Variants in NDEL1 observed in about 807,000 individuals in gnomAD.
The protein encoded by NDEL1 is nudE neurodevelopment protein 1 like 1.
In NDEL1, 9 loss-of-function variants were observed where a neutral mutation model predicts 45.7. That is an observed-to-expected ratio of 0.20 (90% CI 0.12 to 0.34). The LOEUF (loss-of-function observed/expected upper bound fraction) is 0.34, where lower values mean the gene tolerates loss of function less well. NDEL1 is among the 10% of genes least tolerant of loss of function. The pLI, the probability that NDEL1 is intolerant of heterozygous loss-of-function variation, is 1.00. For missense variants in NDEL1, 306 were observed against 406.2 expected (o/e 0.75, Z 2.12); for synonymous variants, 133 against 158.6 (o/e 0.84, Z 1.21).
At chr17:8,449,126 G>C (rs542252766) in intron 5 of NDEL1, among the ~76,000 whole-genome samples, 31 of 152,258 alleles carry the variant, frequency 2.0e-4, no homozygotes, top group African/African-American at 7.2e-4. Flanking sequence ...GGGATTACAG[G>C]CGCCCGCCAC....
intron 7 of NDEL1, among the ~76,000 whole-genome samples, chr17:8,459,716 G>A (rs984032215): frequency 2.6e-5 from 4 of 152,166 alleles, no homozygotes; most frequent in African/African-American, 9.7e-5. Flanking sequence ...AAGAGACCTG[G>A]GATCTGCTGT....
At position 8,446,738 on chromosome 17, in the gene NDEL1, A is replaced by G. The variant is rs750961114; in HGVS notation, c.241-16A>G. 4.3e-6 allele frequency: 7 copies of G among 1,613,974 alleles called. No homozygotes were observed. The highest frequency in any genetic ancestry group is 1.1e-5 in the South Asian group (1 of 91,078). On this transcript the variant is annotated splice_polypyrimidine_tract_variant and intron_variant, in intron 3 of 8. Transcript: ENST00000334527. ...GTATATTAATGACATGTACTTTCCT[A>G]TACTGATGCCCTCAGGAGAAGCTAG...
At chr17:8,469,976 G>A (rs1911796889), downstream of NDEL1, among the ~76,000 whole-genome samples, 1 of 150,518 alleles carries the variant, frequency 6.6e-6, no homozygotes, top group Non-Finnish European at 1.5e-5. Flanking sequence ...CCAAAGTTCT[G>A]GGATTACAGG....
In NDEL1 at chr17:8,466,453, C is replaced by CT. The variant is rs200080171; in HGVS notation, c.945-469dup. The CT allele has an allele frequency of 9.3e-3, 1,450 of 155,788 alleles. 10 individuals carry two copies. The highest frequency in any genetic ancestry group is 0.015 in the Non-Finnish European group (1,069 of 70,592). 9.7% of individuals were successfully genotyped at this position (155,788 alleles called of 1,614,324 possible). On this transcript the variant is annotated intron_variant, in intron 8 of 8. Transcript: ENST00000334527. ...TAGAATCTAGAATATATACTATTTG[C>CT]TTTTTTTTCTTTCATATCATTGAAT...
At chr17:8,468,657 A>C (rs577242941), downstream of NDEL1, among the ~76,000 whole-genome samples, 3 of 152,266 alleles carry the variant, frequency 2.0e-5, no homozygotes, top group Admixed American at 6.5e-5. Flanking sequence ...GGTCTGTGTG[A>C]ATGCATCAGA....
chr17:8,462,157 C>T (rs549235152), intron 8 of NDEL1, among the ~76,000 whole-genome samples: 41 of 151,942 alleles, frequency 2.7e-4, no homozygotes, highest in Middle Eastern at 3.4e-3. Context: ...GCTTTACTTC[C>T]TGAGCTGAAC....
In NDEL1 at chr17:8,467,153, T is replaced by G; in HGVS notation, c.*130T>G. 1 of 862,408 alleles carries G rather than the reference T, an allele frequency of 1.2e-6. No individual in the cohort carries two copies. The highest frequency in any genetic ancestry group is 1.8e-6 in the Non-Finnish European group (1 of 545,510). 53.4% of individuals were successfully genotyped at this position (862,408 alleles called of 1,614,324 possible). A position where few individuals can be genotyped will look rare whatever the true frequency, so the allele number is the denominator to read the frequency against. On this transcript the variant is annotated 3_prime_UTR_variant, in exon 9 of 9. Coordinates refer to ENST00000334527, the MANE Select transcript of NDEL1 (RefSeq NM_030808.5). The surrounding 1 kb of genome is among the most constrained non-coding windows in gnomAD (Gnocchi z 6.3). Reference sequence around the variant, plus strand: ...TCCGCACGGCTGGCAGAGGGCAGGCTGCATGCAGTGGCGGCTACTGGGCCC... The same window carrying G: ...TCCGCACGGCTGGCAGAGGGCAGGCGGCATGCAGTGGCGGCTACTGGGCCC...
At chr17:8,435,700 G>A (rs2151702912), upstream of NDEL1, among the ~76,000 whole-genome samples, 1 of 152,286 alleles carries the variant, frequency 6.6e-6, no homozygotes, top group African/African-American at 2.4e-5. Flanking sequence ...GCAGAGTCCA[G>A]GAGCGCCTGC....
chr17:8,438,359 A>G (rs1334420167), intron 1 of NDEL1, among the ~76,000 whole-genome samples: 2 of 152,230 alleles, frequency 1.3e-5, no homozygotes, highest in Admixed American at 6.5e-5. Context: ...CTAACTTTCT[A>G]TAGCCTGAAT....
At chr17:8,474,033 C>G (rs1912088516) in intron 3 of NDEL1, among the ~76,000 whole-genome samples, 1 of 152,186 alleles carries the variant, frequency 6.6e-6, no homozygotes, top group African/African-American at 2.4e-5. Context: ...GAGGCACTGG[C>G]AGGAACAAGA....
At chr17:8,463,149 T>A (rs1390547792) in intron 8 of NDEL1, 8 of 518,604 alleles carry the variant, frequency 1.5e-5, no homozygotes, top group Non-Finnish European at 2.1e-5. Context: ...TCAAAAACAC[T>A]CTTTTTTTTC....
Position 8,460,041 on chromosome 17 carries a change from T to A in NDEL1, c.825T>A (p.Asn275Lys). Residue 275 changes from asparagine (N) to lysine (K), a missense_variant, in exon 8 of 9, where the codon AAT becomes AAA. This residue lies in a region of NDEL1 where 175 missense variants were observed against 205.2 expected (regional missense o/e 0.85). Coordinates refer to ENST00000334527, the MANE Select transcript of NDEL1 (RefSeq NM_030808.5). ...AATCCAAATTAGCAGCTTGCAGGAA[T>A]TTTGCAAAGGACCAAGCATCACGAA... is the stretch of plus-strand genomic sequence containing the variant. Reference protein sequence around the residue: ...ALESKLAACRNFAKDQASRKS... With the variant: ...ALESKLAACRKFAKDQASRKS... 1.9e-6 allele frequency: 3 copies of A among 1,613,736 alleles called. No homozygotes were observed. Among genetic ancestry groups the A allele is most frequent in the Non-Finnish European group, 2.5e-6 (3 of 1,179,882 alleles).
intron 6 of NDEL1, among the ~76,000 whole-genome samples, chr17:8,454,127 T>C (rs2151729067): frequency 6.6e-6 from 1 of 152,278 alleles, no homozygotes; most frequent in South Asian, 2.1e-4. Flanking sequence ...GGAAACATTA[T>C]GACATTAAGA....
intron 3 of NDEL1, 91 bp downstream of exon 3, chr17:8,445,955 C>CA: frequency 8.1e-7 from 1 of 1,240,568 alleles, no homozygotes; most frequent in Admixed American, 3.1e-5. Flanking sequence ...CAGCTGGCGA[C>CA]AAAAAATAGT....
upstream of NDEL1, among the ~76,000 whole-genome samples, chr17:8,432,338 TTA>T (rs1909024425): frequency 3.2e-4 from 4 of 12,640 alleles, no homozygotes; most frequent in African/African-American, 4.0e-4. Flanking sequence ...AATATATATA[TTA>T]TATATAAATA....
Position 8,454,980 on chromosome 17 carries a change from T to C in NDEL1, c.792+93T>C, listed in dbSNP as rs937220515. 8.2e-6 allele frequency: 10 copies of C among 1,224,948 alleles called. No individual in the cohort carries two copies. In the East Asian group the frequency reaches 2.4e-4, roughly 29 times the overall value. 75.9% of individuals were successfully genotyped at this position (1,224,948 alleles called of 1,614,324 possible). A position where few individuals can be genotyped will look rare whatever the true frequency, so the allele number is the denominator to read the frequency against. On this transcript the variant is annotated intron_variant, in intron 7 of 8. Transcript: ENST00000334527. The stretch of plus-strand genomic sequence containing the variant: ...GTGAGGGAAGAAAGAAAGGATACTT[T>C]CCTGTGGTAAAGGCTGTCATGAAGC...
intron 1 of NDEL1, among the ~76,000 whole-genome samples, chr17:8,443,070 C>T (rs1447793740): frequency 6.6e-6 from 1 of 152,242 alleles, no homozygotes; most frequent in East Asian, 1.9e-4. Context: ...TGAGCCACCA[C>T]ACCTAGCCTA....
chr17:8,466,859 G>GT, intron 8 of NDEL1, 71 bp from the exon 9 acceptor site: 1 of 1,407,118 alleles, frequency 7.1e-7, no homozygotes, highest in Non-Finnish European at 1.0e-6. Context: ...ATTTCCTATT[G>GT]TGTGTGAGTG....
chr17:8,422,744 CT>C (rs1555556063), intron 1 of NDEL1, among the ~76,000 whole-genome samples: 2 of 147,444 alleles, frequency 1.4e-5, no homozygotes, highest in Admixed American at 6.8e-5. Flanking sequence ...TTTCCTTTTC[CT>C]TTTTTTTTTG....
Sources: allele counts gnomAD v4.1 joint callset (sites outside exome capture counted in the v4.1 genomes callset), GRCh38; gene constraint gnomAD v4.1.1; regional missense constraint gnomAD v4.1.1; non-coding constraint Gnocchi (gnomAD v3.1); transcripts MANE v1.5; gene names NCBI Gene and HGNC (gene_info 2026-07-23, HGNC 2026-07-21).